ADAMTSL1: variants seen among roughly 807,000 people sequenced by gnomAD.
The protein encoded by ADAMTSL1 is ADAMTS like 1.
ADAMTSL1 carries 126 observed loss-of-function variants against 201.8 expected under a neutral mutation model. The observed-to-expected ratio is 0.62, with a 90% CI of 0.54 to 0.72. The LOEUF (loss-of-function observed/expected upper bound fraction) is 0.72. ADAMTSL1 is among the 30% of genes least tolerant of loss of function. The pLI, the probability that ADAMTSL1 is intolerant of heterozygous loss-of-function variation, is 0.00. For missense variants in ADAMTSL1, 2,679 were observed against 2,277.8 expected (o/e 1.18, Z -3.59); for synonymous variants, 1,121 against 903.4 (o/e 1.24, Z -4.32).
intron 23 of ADAMTSL1, among the ~76,000 whole-genome samples, chr9:18,848,130 G>A (rs1260334138): frequency 6.6e-6 from 1 of 152,184 alleles, no homozygotes; most frequent in African/African-American, 2.4e-5. Context: ...CTGGCCCTGA[G>A]CTTCTGCAGG....
intron 2 of ADAMTSL1, among the ~76,000 whole-genome samples, chr9:18,427,568 A>G (rs1563953980): frequency 6.6e-6 from 1 of 152,206 alleles, no homozygotes; most frequent in Non-Finnish European, 1.5e-5. Flanking sequence ...CTTGTCTAAG[A>G]AATCTGCTTC....
chr9:18,104,346 G>A (rs1003634213), intron 1 of ADAMTSL1, among the ~76,000 whole-genome samples: 2 of 152,170 alleles, frequency 1.3e-5, no homozygotes, highest in African/African-American at 2.4e-5. Context: ...AAGGGACGAA[G>A]TCAGGGATGA....
At chr9:18,494,069 C>G (rs982904109) in intron 1 of ADAMTSL1, among the ~76,000 whole-genome samples, 1 of 152,094 alleles carries the variant, frequency 6.6e-6, no homozygotes, top group Non-Finnish European at 1.5e-5. Context: ...GCTCAAAACA[C>G]ACAGGATGGC....
chr9:18,673,860 C>T (rs1231555338), intron 9 of ADAMTSL1, among the ~76,000 whole-genome samples: 3 of 152,014 alleles, frequency 2.0e-5, no homozygotes, highest in African/African-American at 2.4e-5. Flanking sequence ...TATTAGATAA[C>T]AGTGTATGTA....
chr9:18,496,635 T>G (rs924556851), intron 1 of ADAMTSL1, among the ~76,000 whole-genome samples: 1 of 152,258 alleles, frequency 6.6e-6, no homozygotes, highest in African/African-American at 2.4e-5. Flanking sequence ...TGGGTTTTTT[T>G]GCCCATCAAA....
chr9:18,681,697 T>G (rs776759), intron 11 of ADAMTSL1, 115 bp from the exon 12 acceptor site: 29,519 of 238,968 alleles, frequency 0.12, 1,542 homozygotes, highest in East Asian at 0.18. Context: ...AGTCCTCGTG[T>G]GGGGGGGGGG....
chr9:17,942,800 G>A (rs1827294974), intron 1 of ADAMTSL1, among the ~76,000 whole-genome samples: 1 of 152,152 alleles, frequency 6.6e-6, no homozygotes, highest in African/African-American at 2.4e-5. Flanking sequence ...TAGGTACCTT[G>A]TAGTCTCAAT....
intron 1 of ADAMTSL1, among the ~76,000 whole-genome samples, chr9:17,916,405 C>T (rs975314458): frequency 3.3e-5 from 5 of 152,068 alleles, no homozygotes; most frequent in Admixed American, 2.6e-4. Flanking sequence ...TTTGCCTAAC[C>T]CAAAATTACA....
chr9:18,635,514 A>G (rs1827055545), intron 5 of ADAMTSL1, among the ~76,000 whole-genome samples: 1 of 152,120 alleles, frequency 6.6e-6, no homozygotes, highest in Admixed American at 6.6e-5. Flanking sequence ...TATATCTTCC[A>G]CTTCTCTTAC....
At chr9:18,153,408 A>T (rs1392663268) in intron 1 of ADAMTSL1, among the ~76,000 whole-genome samples, 2 of 152,062 alleles carry the variant, frequency 1.3e-5, no homozygotes, top group Admixed American at 1.3e-4. Flanking sequence ...TTAATAACTG[A>T]TTTTTTAAAA....
chr9:18,265,906 C>T (rs1832102168), intron 2 of ADAMTSL1, among the ~76,000 whole-genome samples: 1 of 152,014 alleles, frequency 6.6e-6, no homozygotes. Context: ...AGAATGAAAA[C>T]CAATATTGTG....
intron 2 of ADAMTSL1, among the ~76,000 whole-genome samples, chr9:18,314,946 G>A (rs1456493997): frequency 6.0e-5 from 9 of 150,654 alleles, no homozygotes; most frequent in Admixed American, 2.6e-4. Flanking sequence ...ACAGGCGCCC[G>A]CTACCACGCC....
At chr9:18,275,509 G>A (rs547173682) in intron 2 of ADAMTSL1, among the ~76,000 whole-genome samples, 19 of 152,194 alleles carry the variant, frequency 1.2e-4, no homozygotes, top group Middle Eastern at 3.4e-3. Flanking sequence ...ACCAGTCATT[G>A]CCCATCCCTA....
At chr9:18,902,035 G>A (rs1184635402) in intron 26 of ADAMTSL1, among the ~76,000 whole-genome samples, 3 of 152,164 alleles carry the variant, frequency 2.0e-5, no homozygotes, top group Non-Finnish European at 4.4e-5. Flanking sequence ...AGACTATACA[G>A]TGATAAAAGG....
intron 3 of ADAMTSL1, among the ~76,000 whole-genome samples, chr9:18,549,676 T>C (rs900575441): frequency 6.6e-6 from 1 of 152,010 alleles, no homozygotes; most frequent in Non-Finnish European, 1.5e-5. Context: ...TGACCACATA[T>C]GTTGCTTTGG....
At chr9:18,531,867 G>A (rs1819466336) in intron 2 of ADAMTSL1, among the ~76,000 whole-genome samples, 2 of 152,238 alleles carry the variant, frequency 1.3e-5, no homozygotes, top group South Asian at 4.2e-4. Flanking sequence ...GAAGCCAGAT[G>A]GCCTGGTTTC....
intron 7 of ADAMTSL1, among the ~76,000 whole-genome samples, chr9:18,642,518 A>G (rs915558718): frequency 2.0e-5 from 3 of 151,922 alleles, no homozygotes; most frequent in African/African-American, 7.2e-5. Flanking sequence ...TTGTAGGTAG[A>G]TCTCCTGAAC....
rs147606176 is a variant in ADAMTSL1 at position 17,929,827 on chromosome 9, T to C, written c.87+22905T>C. On this transcript the variant is annotated intron_variant, in intron 1 of 29. Transcript: ENST00000680146. The stretch of plus-strand genomic sequence containing the variant: ...CAATGCCCATTTTCTTTCTAGCACT[T>C]GTTTGCATTTTCTTTCATACACTTC... Among the ~76,000 whole-genome samples, 409 of 152,280 alleles carry C rather than the reference T, an allele frequency of 2.7e-3. 2 individuals are homozygous for C. Among genetic ancestry groups the C allele is most frequent in the African/African-American group, 9.4e-3 (391 of 41,560 alleles).
At chr9:18,285,667 G>A (rs985966566) in intron 2 of ADAMTSL1, among the ~76,000 whole-genome samples, 3 of 151,764 alleles carry the variant, frequency 2.0e-5, no homozygotes, top group African/African-American at 7.3e-5. Context: ...TGTTATCCTA[G>A]TTTGTCCCTT....
Sources: allele counts gnomAD v4.1 joint callset (sites outside exome capture counted in the v4.1 genomes callset), GRCh38; gene constraint gnomAD v4.1.1; transcripts MANE v1.5; gene names NCBI Gene and HGNC (gene_info 2026-07-23, HGNC 2026-07-21).